The following KLHL33 variants were observed in gnomAD, a reference collection of about 807,000 sequenced individuals.
The protein encoded by KLHL33 is kelch like family member 33, also known as kelch-like protein 33.
KLHL33 carries 46 observed loss-of-function variants against 60.8 expected under a neutral mutation model. That is an observed-to-expected ratio of 0.76 (90% confidence interval 0.60 to 0.97). The LOEUF is 0.97. Among genes scored for constraint, KLHL33 ranks in the 50% least tolerant of loss-of-function variants. The pLI is 0.00. For synonymous variants in KLHL33, 434 were observed against 432.2 expected (o/e 1.00, Z -0.05); for missense variants, 1,055 against 1,000.0 (o/e 1.05, Z -0.74).
At position 20,427,957 on chromosome 14, in the gene KLHL33, T is replaced by C. The variant is rs776255499; in HGVS notation, c.*892A>G. 2 of 152,252 alleles carry C rather than the reference T, an allele frequency of 1.3e-5. No homozygotes were observed. Among genetic ancestry groups the C allele is most frequent in the Non-Finnish European group, 2.9e-5 (2 of 68,064 alleles). 9.4% of individuals were successfully genotyped at this position (152,252 alleles called of 1,614,324 possible). On this transcript the variant is annotated 3_prime_UTR_variant, in exon 5 of 5. Transcript: ENST00000636854. The stretch of plus-strand genomic sequence containing the variant: ...TCTGAGTCTTGTCTGCTTCTCACTC[T>C]TCTCTCCCCCCACATCCTCTCACCA...
rs138919401 is a variant in KLHL33 at position 20,428,865 on chromosome 14, G to A, written c.2378C>T (p.Thr793Ile). 3.2e-6 allele frequency: 5 copies of A among 1,550,798 alleles called. No homozygotes were observed. Among genetic ancestry groups the A allele is most frequent in the African/African-American group, 1.4e-5 (1 of 73,158 alleles). Residue 793 changes from threonine (T) to isoleucine (I), a missense_variant, in exon 5 of 5, where the codon ACC becomes ATC. Coordinates refer to ENST00000636854, the MANE Select transcript of KLHL33 (RefSeq NM_001365790.2). Reference sequence around the variant, plus strand: ...GCTCCCTCTTCACCCAGCAGGTTTGGTTTGGTGTGGGGTGGGAACCAAAGC... The same window carrying A: ...GCTCCCTCTTCACCCAGCAGGTTTGATTTGGTGTGGGGTGGGAACCAAAGC... ...HIALVPTPHQ[T>I]KPAG
rs1238716903 is a variant in KLHL33, at chr14:20,426,853, T to C, written c.*1996A>G. Reference sequence around the variant, plus strand: ...TACACCATGGAATACTATGCAGCCATAAAAAATGATGAGTTCATGTCCTTT... The same window carrying C: ...TACACCATGGAATACTATGCAGCCACAAAAAATGATGAGTTCATGTCCTTT... On this transcript the variant is annotated 3_prime_UTR_variant, in exon 5 of 5. Coordinates refer to ENST00000636854, the MANE Select transcript of KLHL33 (RefSeq NM_001365790.2). 1 of 151,812 alleles carries C rather than the reference T, an allele frequency of 6.6e-6. No homozygotes were observed. The allele number at this position is 151,812 out of a possible 1,614,324, so 9.4% of individuals were successfully genotyped here. A position where few individuals can be genotyped will look rare whatever the true frequency, so the allele number is the denominator to read the frequency against.
In KLHL33 at chr14:20,428,766, C is replaced by G. The variant is rs530276343; in HGVS notation, c.*83G>C. On this transcript the variant is annotated 3_prime_UTR_variant, in exon 5 of 5. Transcript: ENST00000636854. ...GAATAAAATACTACCAAGAATAAAG[C>G]CTCTTTTCACTCCCCACAATCTCTG... 3.4e-4 allele frequency: 408 copies of G among 1,190,808 alleles called. 1 individual carries two copies. Among genetic ancestry groups the G allele is most frequent in the Non-Finnish European group, 3.9e-4 (334 of 850,374 alleles). 73.8% of individuals were successfully genotyped at this position (1,190,808 alleles called of 1,614,324 possible).
In KLHL33 at chr14:20,426,560, A is replaced by G. The variant is rs1594393951; in HGVS notation, c.*2289T>C. ...GGTGCTGGAGAGGATGTGGAGAAAT[A>G]GGAACACTTTTACACTGTTGGTGGG... On this transcript the variant is annotated 3_prime_UTR_variant, in exon 5 of 5. Transcript: ENST00000636854. 6.6e-6 allele frequency: 1 copy of G among 151,662 alleles called. No homozygotes were observed. The highest frequency in any genetic ancestry group is 2.4e-5 in the African/African-American group (1 of 41,274). 9.4% of individuals were successfully genotyped at this position (151,662 alleles called of 1,614,324 possible).
At chr14:20,433,477 T>G (rs143116231) in intron 2 of KLHL33, among the ~76,000 whole-genome samples, 3 of 152,200 alleles carry the variant, frequency 2.0e-5, no homozygotes, top group African/African-American at 7.2e-5. Context: ...TAAACATCAA[T>G]GACAGATTTC....
intron 2 of KLHL33, among the ~76,000 whole-genome samples, chr14:20,432,971 A>AAAGAAAGC (rs1880566495): frequency 6.6e-6 from 1 of 151,854 alleles, no homozygotes. Flanking sequence ...AGAAAGAAAG[A>AAAGAAAGC]AAGAAAGAAA....
At chr14:20,432,639 T>G (rs535228573) in intron 2 of KLHL33, among the ~76,000 whole-genome samples, 54 of 151,994 alleles carry the variant, frequency 3.6e-4, no homozygotes, top group Non-Finnish European at 5.1e-4. Flanking sequence ...AAAAAATTAC[T>G]GGCCAGGCGC....
In KLHL33 at chr14:20,429,093, G is replaced by A. The variant is rs539193418; in HGVS notation, c.2150C>T (p.Ser717Phe). The change falls in exon 5 of 5, where the codon TCC (serine) becomes TTC (phenylalanine). Residue 717 changes from serine to phenylalanine, a missense_variant. Ser to Phe is a radical substitution (Grantham distance 155, BLOSUM62 -2). Coordinates refer to ENST00000636854, the MANE Select transcript of KLHL33 (RefSeq NM_001365790.2). ...DSWTHLAPLP[S>F]PHVGAASAVL... ...AGCACTTGCAGCCCCCACATGGGGGGAGGGTAGGGGTGCCAGGTGAGTCCA... is the reference window on the plus strand; with the variant it reads ...AGCACTTGCAGCCCCCACATGGGGGAAGGGTAGGGGTGCCAGGTGAGTCCA... The A allele has an allele frequency of 1.9e-6, 3 of 1,551,732 alleles. No individual in the cohort carries two copies. Among genetic ancestry groups the A allele is most frequent in the African/African-American group, 1.4e-5 (1 of 73,176 alleles).
Position 20,430,272 on chromosome 14 carries a change from T to C in KLHL33, c.1196A>G (p.Glu399Gly). The C allele has an allele frequency of 6.4e-7, 1 of 1,551,720 alleles. No homozygotes were observed. The highest frequency in any genetic ancestry group is 8.7e-7 in the Non-Finnish European group (1 of 1,146,990). The change falls in exon 3 of 5, where the codon GAG becomes GGG. Residue 399 changes from glutamate to glycine, a missense_variant. Physicochemically the swap from Glu to Gly is moderately conservative, Grantham distance 98 (BLOSUM62 -2). Transcript: ENST00000636854. ...SDELHVQEEFEAFVAARCWLA... is the reference protein window; with the variant it reads ...SDELHVQEEFGAFVAARCWLA... ...CCAACACCGTGCAGCCACAAAGGCC[T>C]CAAACTCCTCCTGCACATGGAGCTC...
rs369688424 is a variant in KLHL33 at position 20,429,229 on chromosome 14, G to A, written c.2014C>T (p.Arg672Trp). ...AATGCAGCCATGACATGGCCAGCCC[G>A]AGGTACCCCCATAGGGCTCAGAAAC... ...GTFLSPMGVP[R>W]AGHVMAALGG... Residue 672 changes from arginine to tryptophan, a missense_variant, in exon 5 of 5, where the codon CGG becomes TGG. Arg to Trp is a moderately radical substitution (Grantham distance 101). Transcript: ENST00000636854. 103 of 1,551,600 alleles carry A rather than the reference G, an allele frequency of 6.6e-5. No individual in the cohort carries two copies. Among genetic ancestry groups the A allele is most frequent in the Non-Finnish European group, 8.4e-5 (96 of 1,147,020 alleles).
Position 20,429,933 on chromosome 14 carries a change from A to G in KLHL33, c.1535T>C (p.Val512Ala), listed in dbSNP as rs1880437766. The part of the protein sequence containing the change: ...FRCGVGLVRT[V>A]EWGQLPALPA... ...CAGGGCAGGCAGCTGCCCCCACTCA[A>G]CAGTTCGTACCAGTCCCACGCCACA... The change falls in exon 3 of 5, where the codon GTT becomes GCT. Residue 512 changes from valine (V) to alanine (A), a missense_variant. Coordinates refer to ENST00000636854, the MANE Select transcript of KLHL33 (RefSeq NM_001365790.2). The G allele has an allele frequency of 1.9e-6, 3 of 1,551,730 alleles. No individual in the cohort carries two copies. Among genetic ancestry groups the G allele is most frequent in the Non-Finnish European group, 2.6e-6 (3 of 1,147,012 alleles).
chr14:20,435,941 C>T, intron 1 of KLHL33, 111 bp from the exon 2 acceptor site: 1 of 697,850 alleles, frequency 1.4e-6, no homozygotes, highest in Non-Finnish European at 2.0e-6. Flanking sequence ...GCTCCAACAC[C>T]CTCCTCCTAC....
rs966060606 is a variant in KLHL33, at chr14:20,426,303, AC to A, written c.*2545del. ...GATCACCTGAGGTCGGGAGTTCAAGACCAGCCTGACCAACATGGAGAAACCC... is the reference window on the plus strand; with the variant it reads ...GATCACCTGAGGTCGGGAGTTCAAGACAGCCTGACCAACATGGAGAAACCC... On this transcript the variant is annotated 3_prime_UTR_variant, in exon 5 of 5. Coordinates refer to ENST00000636854, the MANE Select transcript of KLHL33 (RefSeq NM_001365790.2). 1.3e-5 allele frequency: 2 copies of A among 152,062 alleles called. No individual in the cohort carries two copies. The highest frequency in any genetic ancestry group is 2.9e-5 in the Non-Finnish European group (2 of 68,042). 9.4% of individuals were successfully genotyped at this position (152,062 alleles called of 1,614,324 possible).
rs1347291071 is a variant in KLHL33, at chr14:20,435,550, C to A, written c.262G>T (p.Glu88Ter). The change falls in exon 2 of 5, where the codon GAG becomes TAG. Residue 88 changes from glutamate (E) to a stop codon, truncating the protein, a stop_gained. Coordinates refer to ENST00000636854, the MANE Select transcript of KLHL33 (RefSeq NM_001365790.2). LOFTEE classifies it high-confidence loss of function. ...GGATGCTCCTCGCTGCGCAGCCACTCGGGCTCTGCCGCATCTTCATCTTCT... is the reference window on the plus strand; with the variant it reads ...GGATGCTCCTCGCTGCGCAGCCACTAGGGCTCTGCCGCATCTTCATCTTCT... ...EEEDEDAAEPEWLRSEEHPSQ... is the reference protein window; with the variant it reads ...EEEDEDAAEP The A allele has an allele frequency of 1.6e-6, 2 of 1,234,670 alleles. No homozygotes were observed. Among genetic ancestry groups the A allele is most frequent in the Admixed American group, 4.2e-5 (1 of 23,714 alleles). The allele number at this position is 1,234,670 out of a possible 1,614,324, so 76.5% of individuals were successfully genotyped here.
At position 20,428,711 on chromosome 14, in the gene KLHL33, T is replaced by C. The variant is rs1393963450; in HGVS notation, c.*138A>G. ...CCATTTCCTCAACGGAGATCATACG[T>C]ACAAAAGCAGTTTACAATGCACAGT... On this transcript the variant is annotated 3_prime_UTR_variant, in exon 5 of 5. Coordinates refer to ENST00000636854, the MANE Select transcript of KLHL33 (RefSeq NM_001365790.2). 1 of 787,444 alleles carries C rather than the reference T, an allele frequency of 1.3e-6. No individual in the cohort carries two copies. Among genetic ancestry groups the C allele is most frequent in the Middle Eastern group, 2.4e-4 (1 of 4,168 alleles). 48.8% of individuals were successfully genotyped at this position (787,444 alleles called of 1,614,324 possible).
chr14:20,429,884 AT>A lies in KLHL33; in HGVS notation c.1583del (p.His528LeufsTer110), dbSNP rs1485905487. 1 of 1,552,038 alleles carries A rather than the reference AT, an allele frequency of 6.4e-7. No homozygotes were observed. Among genetic ancestry groups the A allele is most frequent in the Non-Finnish European group, 8.7e-7 (1 of 1,147,074 alleles). ...PALPAPGRFR[H>X]GAASLAGSEL... is the part of the protein sequence containing the mutation. The stretch of plus-strand genomic sequence containing the variant: ...CACTTCCTGCCAGGCTTGCAGCCCC[AT>A]GCCGGAAGCGTCCGGGGGCAGGCAG... On this transcript the variant is annotated frameshift_variant, in exon 3 of 5. Coordinates refer to ENST00000636854, the MANE Select transcript of KLHL33 (RefSeq NM_001365790.2). LOFTEE classifies it high-confidence loss of function.
At position 20,429,308 on chromosome 14, in the gene KLHL33, G is replaced by A; in HGVS notation, c.1935C>T (p.Gly645=). The change falls in exon 5 of 5, where the codon GGC becomes GGT. Residue 645 remains glycine, a synonymous_variant. Transcript: ENST00000636854. ...LYVSGGCGGT[G]QYLASLMHYD... ...AGTGCATCAGTGAGGCCAGGTATTG[G>A]CCAGTCCCACCACAGCCACCGCTCA... is the stretch of plus-strand genomic sequence containing the variant. The A allele has an allele frequency of 6.4e-7, 1 of 1,551,640 alleles. No individual in the cohort carries two copies. Among genetic ancestry groups the A allele is most frequent in the Non-Finnish European group, 8.7e-7 (1 of 1,146,984 alleles).
chr14:20,436,116 G>T lies in KLHL33; in HGVS notation c.-37C>A, dbSNP rs1207033267. ...TTAGTCACCCTCAGGAGACACCAGC[G>T]TTCCGCTTGCCCTCTCACTTAAGCG... is the stretch of plus-strand genomic sequence containing the variant. On this transcript the variant is annotated 5_prime_UTR_variant, in exon 1 of 5. Coordinates refer to ENST00000636854, the MANE Select transcript of KLHL33 (RefSeq NM_001365790.2). 2 of 236,884 alleles carry T rather than the reference G, an allele frequency of 8.4e-6. No individual in the cohort carries two copies. The highest frequency in any genetic ancestry group is 1.6e-5 in the Non-Finnish European group (2 of 123,888). The allele number at this position is 236,884 out of a possible 1,614,324, so 14.7% of individuals were successfully genotyped here. A position where few individuals can be genotyped will look rare whatever the true frequency, so the allele number is the denominator to read the frequency against.
rs1880646800 is a variant in KLHL33 at position 20,435,212 on chromosome 14, T to C, written c.600A>G (p.Thr200=). The C allele has an allele frequency of 4.1e-6, 5 of 1,234,322 alleles. No individual in the cohort carries two copies. Among genetic ancestry groups the C allele is most frequent in the Admixed American group, 8.4e-5 (2 of 23,718 alleles). The allele number at this position is 1,234,322 out of a possible 1,614,324, so 76.5% of individuals were successfully genotyped here. ...APRVKAAAQQ[T]CERAGNARED... The stretch of plus-strand genomic sequence containing the variant: ...CCCTGGCATTTCCAGCCCTCTCGCA[T>C]GTCTGCTGGGCAGCAGCCTTCACCC... Residue 200 remains threonine (T), a synonymous_variant, in exon 2 of 5, where the codon ACA becomes ACG. Coordinates refer to ENST00000636854, the MANE Select transcript of KLHL33 (RefSeq NM_001365790.2).
Sources: allele counts gnomAD v4.1 joint callset (sites outside exome capture counted in the v4.1 genomes callset), GRCh38; gene constraint gnomAD v4.1.1; transcripts MANE v1.5; gene names NCBI Gene and HGNC (gene_info 2026-07-23, HGNC 2026-07-21).